The following HERC4 variants were observed in gnomAD, a reference collection of about 807,000 sequenced individuals.
The protein encoded by HERC4 is HECT and RLD domain containing E3 ubiquitin protein ligase 4, also known as probable E3 ubiquitin-protein ligase HERC4.
In HERC4, 28 loss-of-function variants were observed where a neutral mutation model predicts 124.3. The ratio of observed to expected loss-of-function variants is 0.23; its 90% CI spans 0.17 to 0.31. The LOEUF is 0.31. Among genes scored for constraint, HERC4 ranks in the 10% least tolerant of loss-of-function variants. The pLI is 1.00. For synonymous variants in HERC4, 407 were observed against 421.5 expected (o/e 0.97, Z 0.42); for missense variants, 713 against 1,229.3 (o/e 0.58, Z 6.28).
At chr10:67,980,957 T>C (rs1166580624) in intron 15 of HERC4, among the ~76,000 whole-genome samples, 1 of 151,606 alleles carries the variant, frequency 6.6e-6, no homozygotes, top group Non-Finnish European at 1.5e-5. Context: ...AAAATCACCT[T>C]CACTAAAAAC....
chr10:67,970,138 T>C (rs10997893), intron 15 of HERC4, among the ~76,000 whole-genome samples: 14,918 of 148,290 alleles, frequency 0.1, 1,114 homozygotes, highest in East Asian at 0.41. Flanking sequence ...AAGGTATTTA[T>C]AGCAAATTAA....
Position 67,922,848 on chromosome 10 carries a change from T to A in HERC4, c.*83A>T. 1.1e-6 allele frequency: 1 copy of A among 951,836 alleles called. No homozygotes were observed. Among genetic ancestry groups the A allele is most frequent in the Non-Finnish European group, 1.6e-6 (1 of 622,730 alleles). The allele number at this position is 951,836 out of a possible 1,614,324, so 59.0% of individuals were successfully genotyped here. On this transcript the variant is annotated 3_prime_UTR_variant, in exon 25 of 25. Transcript: ENST00000373700. Reference sequence around the variant, plus strand: ...AGTAAGAATTATAATAGTACCTCTGTCACCTTGCTGAATTCATCACCACAA... The same window carrying A: ...AGTAAGAATTATAATAGTACCTCTGACACCTTGCTGAATTCATCACCACAA...
At chr10:67,955,540 T>C (rs60008145) in intron 17 of HERC4, 1 of 154,370 alleles carries the variant, frequency 6.5e-6, no homozygotes, top group East Asian at 1.9e-4. Context: ...GGGAGGCCAA[T>C]GAGGGCAGAT....
chr10:68,032,721 A>C (rs933859327), intron 7 of HERC4, 57 bp downstream of exon 7: 31 of 864,434 alleles, frequency 3.6e-5, no homozygotes, highest in Non-Finnish European at 6.0e-5. Flanking sequence ...GAGAACATTC[A>C]TTAATTATGA....
At chr10:67,999,569 G>C (rs2037105381) in intron 9 of HERC4, among the ~76,000 whole-genome samples, 1 of 152,228 alleles carries the variant, frequency 6.6e-6, no homozygotes, top group Admixed American at 6.5e-5. Context: ...AAACGTAGCA[G>C]TGAAGTACAT....
intron 3 of HERC4, among the ~76,000 whole-genome samples, chr10:68,051,896 T>G (rs1589427481): frequency 1.4e-5 from 2 of 147,326 alleles, no homozygotes; most frequent in Admixed American, 1.4e-4. Flanking sequence ...CTCGAACTCG[T>G]GAGCTCAAGC....
chr10:67,956,135 A>C (rs1420136478), intron 17 of HERC4: 1 of 152,214 alleles, frequency 6.6e-6, no homozygotes, highest in Admixed American at 6.5e-5. Flanking sequence ...TTTTTAGACT[A>C]TTAAATATTC....
At chr10:68,059,306 C>T (rs572747441) in intron 3 of HERC4, among the ~76,000 whole-genome samples, 3 of 150,592 alleles carry the variant, frequency 2.0e-5, no homozygotes, top group Non-Finnish European at 4.4e-5. Context: ...GGTTGAGTGT[C>T]CCTATCCATA....
At chr10:68,037,374 G>A (rs2039532807) in intron 5 of HERC4, among the ~76,000 whole-genome samples, 1 of 152,098 alleles carries the variant, frequency 6.6e-6, no homozygotes, top group African/African-American at 2.4e-5. Flanking sequence ...GGGATTACAG[G>A]CGTGAGCCAC....
intron 10 of HERC4, 38 bp downstream of exon 10, chr10:67,992,568 T>G: frequency 8.2e-7 from 1 of 1,221,528 alleles, no homozygotes; most frequent in Non-Finnish European, 1.2e-6. Context: ...GTCAAAATTA[T>G]TGGAGCTATT....
chr10:68,061,532 C>CAAAA lies in HERC4; in HGVS notation c.226+11347_226+11350dup, dbSNP rs59169970. On this transcript the variant is annotated intron_variant, in intron 3 of 24. Transcript: ENST00000373700. ...TGGGCGACAGAGCAAGACTCCGTCTCAAAAAAAAAAAAAAAAAAAAAAAAA... is the reference window on the plus strand; with the variant it reads ...TGGGCGACAGAGCAAGACTCCGTCTCAAAAAAAAAAAAAAAAAAAAAAAAAAAAA... Among the ~76,000 whole-genome samples, 37 of 13,980 alleles carry CAAAA rather than the reference C, an allele frequency of 2.6e-3. 6 individuals carry two copies. The highest frequency in any genetic ancestry group is 0.019 in the South Asian group (6 of 318). 9.2% of individuals were successfully genotyped at this position (13,980 alleles called of 152,430 possible).
intron 9 of HERC4, among the ~76,000 whole-genome samples, chr10:67,998,600 G>A (rs1392891159): frequency 5.4e-5 from 8 of 148,404 alleles, no homozygotes; most frequent in African/African-American, 9.9e-5. Context: ...TCTAATTTCA[G>A]TTATTATTTA....
intron 16 of HERC4, 65 bp from the exon 17 acceptor site, chr10:67,957,041 C>T: frequency 1.2e-6 from 1 of 860,708 alleles, no homozygotes. Context: ...TGGATGCTGA[C>T]ATTTCTTATA....
chr10:68,020,683 GGCGTGAA>G (rs2038565958), intron 8 of HERC4, among the ~76,000 whole-genome samples: 1 of 151,246 alleles, frequency 6.6e-6, no homozygotes, highest in South Asian at 2.1e-4. Context: ...GCAGGAGAAT[GGCGTGAA>G]CCCGGGAGGC....
intron 16 of HERC4, among the ~76,000 whole-genome samples, chr10:67,964,431 T>G (rs1460337019): frequency 1.3e-5 from 2 of 152,202 alleles, no homozygotes; most frequent in East Asian, 3.9e-4. Flanking sequence ...TATTTTCCTT[T>G]TGTCTCCAAG....
chr10:68,052,641 A>T (rs902361087), intron 3 of HERC4, among the ~76,000 whole-genome samples: 11 of 152,222 alleles, frequency 7.2e-5, no homozygotes, highest in African/African-American at 2.7e-4. Context: ...CTGGGTAAAA[A>T]TATCCTATGT....
intron 23 of HERC4, among the ~76,000 whole-genome samples, chr10:67,926,972 C>T (rs746734867): frequency 5.9e-5 from 9 of 152,158 alleles, no homozygotes; most frequent in East Asian, 1.9e-4. Flanking sequence ...GTACATTATC[C>T]GGCACACAGT....
intron 19 of HERC4, among the ~76,000 whole-genome samples, chr10:67,942,042 T>C (rs1271849758): frequency 6.6e-6 from 1 of 152,170 alleles, no homozygotes; most frequent in African/African-American, 2.4e-5. Flanking sequence ...CTTGGATGCT[T>C]AGATAACTGA....
At chr10:67,996,374 C>T (rs1036591242) in intron 9 of HERC4, among the ~76,000 whole-genome samples, 4 of 152,138 alleles carry the variant, frequency 2.6e-5, no homozygotes, top group African/African-American at 9.7e-5. Context: ...TTATCTCCAC[C>T]TTTCACTGTC....
Sources: gnomAD v4.1 joint callset for allele counts (sites outside exome capture counted in the v4.1 genomes callset) on GRCh38, gnomAD v4.1.1 for gene constraint, MANE v1.5 for transcripts, NCBI Gene and HGNC (gene_info 2026-07-23, HGNC 2026-07-21) for gene names.